The following CC2D2B variants were observed in gnomAD, a reference collection of about 807,000 sequenced individuals.
CC2D2B encodes coiled-coil and C2 domain containing 2B, also known as protein CC2D2B.
A neutral mutation model predicts 161.2 loss-of-function variants in CC2D2B; 128 were observed. The observed-to-expected ratio is 0.79, with a 90% CI of 0.69 to 0.92. The LOEUF is 0.92. Ranked by LOEUF, CC2D2B falls within the 40% of genes least tolerant of loss-of-function variation. The pLI is 0.00. For missense variants in CC2D2B, 1,173 were observed against 1,375.1 expected (o/e 0.85, Z 2.32); for synonymous variants, 391 against 449.8 (o/e 0.87, Z 1.65).
At chr10:96,023,043 G>C (rs191732815) in intron 32 of CC2D2B, among the ~76,000 whole-genome samples, 1 of 152,330 alleles carries the variant, frequency 6.6e-6, no homozygotes, top group Admixed American at 6.5e-5. Context: ...TGAAAGGCCA[G>C]GCTGGCCAAT....
chr10:95,997,521 G>A (rs113970023), intron 24 of CC2D2B, among the ~76,000 whole-genome samples: 187 of 152,172 alleles, frequency 1.2e-3, no homozygotes, highest in African/African-American at 4.0e-3. Context: ...CCAAGTAGCC[G>A]AGACTACAGG....
At chr10:95,993,770 GTA>G (rs573061397) in intron 22 of CC2D2B, among the ~76,000 whole-genome samples, 1 of 143,608 alleles carries the variant, frequency 7.0e-6, no homozygotes, top group Admixed American at 7.1e-5. Context: ...GAAAGAGTGT[GTA>G]TATATATAGA....
rs2079093648 is a variant in CC2D2B, at chr10:96,013,977, GA to G, written c.3516+103del. On this transcript the variant is annotated intron_variant, in intron 29 of 34. Coordinates refer to ENST00000646931, the MANE Select transcript of CC2D2B (RefSeq NM_001349008.3). ...GTATTTATGTATTACTTTGCCTTGT[GA>G]AATTTAAAAGTATTTGATAATTTTA... is the stretch of plus-strand genomic sequence containing the variant. 2.7e-5 allele frequency: 13 copies of G among 472,762 alleles called. No individual in the cohort carries two copies. The South Asian group carries it at 8.6e-4, about 31-fold the overall frequency. The allele number at this position is 472,762 out of a possible 1,614,324, so 29.3% of individuals were successfully genotyped here.
At chr10:95,992,756 T>G (rs1191643113) in intron 22 of CC2D2B, 59 bp downstream of exon 22, 1 of 1,065,214 alleles carries the variant, frequency 9.4e-7, no homozygotes, top group African/African-American at 1.6e-5. Flanking sequence ...ATGTGAGAAT[T>G]CTCCATGCTG....
At position 96,012,184 on chromosome 10, in the gene CC2D2B, G is replaced by A. The variant is rs1303797862; in HGVS notation, c.3046-1G>A. On this transcript the variant is annotated splice_acceptor_variant, in intron 26 of 34. Coordinates refer to ENST00000646931, the MANE Select transcript of CC2D2B (RefSeq NM_001349008.3). LOFTEE classifies it high-confidence loss of function. Reference sequence around the variant, plus strand: ...TCCATTATACTGATATACTCTTTCAGATTAGTGGAACATTTCAAGTAACTA... The same window carrying A: ...TCCATTATACTGATATACTCTTTCAAATTAGTGGAACATTTCAAGTAACTA... The A allele has an allele frequency of 1.5e-6, 1 of 678,400 alleles. No individual in the cohort carries two copies. The highest frequency in any genetic ancestry group is 2.7e-6 in the Non-Finnish European group (1 of 370,520). The allele number at this position is 678,400 out of a possible 1,614,324, so 42.0% of individuals were successfully genotyped here.
intron 30 of CC2D2B, among the ~76,000 whole-genome samples, chr10:96,017,568 T>C (rs1367148069): frequency 6.6e-6 from 1 of 152,052 alleles, no homozygotes; most frequent in African/African-American, 2.4e-5. Context: ...GGCTGTGAAG[T>C]CGAGGAGAGC....
rs2077157914 is a variant in CC2D2B, at chr10:95,972,135, C to T, written c.1714C>T (p.Leu572=). 1 of 1,231,538 alleles carries T rather than the reference C, an allele frequency of 8.1e-7. No homozygotes were observed. Among genetic ancestry groups the T allele is most frequent in the Non-Finnish European group, 1.0e-6 (1 of 987,590 alleles). 76.3% of individuals were successfully genotyped at this position (1,231,538 alleles called of 1,614,324 possible). Residue 572 remains leucine (L), a synonymous_variant, in exon 16 of 35, where the codon CTG becomes TTG. Transcript: ENST00000646931. ...LYIPLPNYTE[L]KGKTALQYVE... ...TATACCTTTACCTAACTACACAGAG[C>T]TGAAAGGCAAAACCGCTTTGCAATA...
Position 96,032,769 on chromosome 10 carries a change from A to G in CC2D2B, c.*761A>G. 2.1e-6 allele frequency: 1 copy of G among 469,520 alleles called. No individual in the cohort carries two copies. The highest frequency in any genetic ancestry group is 1.6e-5 in the South Asian group (1 of 64,192). 29.1% of individuals were successfully genotyped at this position (469,520 alleles called of 1,614,324 possible). On this transcript the variant is annotated 3_prime_UTR_variant, in exon 35 of 35. Coordinates refer to ENST00000646931, the MANE Select transcript of CC2D2B (RefSeq NM_001349008.3). The stretch of plus-strand genomic sequence containing the variant: ...TTACAGCTCCATGTATTTGGAAGGA[A>G]CTCCCAGGAAACTCTAATTTCTCCC...
chr10:95,977,663 A>G (rs2077367674), intron 17 of CC2D2B, among the ~76,000 whole-genome samples: 1 of 152,246 alleles, frequency 6.6e-6, no homozygotes, highest in South Asian at 2.1e-4. Flanking sequence ...TTCTAGATCT[A>G]AAAGTGTCTT....
At position 95,947,113 on chromosome 10, in the gene CC2D2B, A is replaced by ATT. The variant is rs753866384; in HGVS notation, c.802-2767_802-2766dup. On this transcript the variant is annotated intron_variant, in intron 9 of 34. Transcript: ENST00000646931. ...TATATATATATATATATATATATATATTTTTTTTTTTTTTTTTGAGACAAA... is the reference window on the plus strand; with the variant it reads ...TATATATATATATATATATATATATATTTTTTTTTTTTTTTTTTTGAGACAAA... Among the ~76,000 whole-genome samples the ATT allele has an allele frequency of 7.0e-3, 340 of 48,370 alleles. 26 individuals are homozygous for ATT. The highest frequency in any genetic ancestry group is 0.014 in the East Asian group (24 of 1,684). The allele number at this position is 48,370 out of a possible 152,430, so 31.7% of individuals were successfully genotyped here.
At chr10:95,919,647 C>A (rs539951891) in intron 2 of CC2D2B, 1 of 152,210 alleles carries the variant, frequency 6.6e-6, no homozygotes, top group East Asian at 1.9e-4. Flanking sequence ...TCCTGAGAGT[C>A]TTGATGTTTA....
rs751669226 is a variant in CC2D2B, at chr10:96,024,869, A to G, written c.3905A>G (p.Tyr1302Cys). The G allele has an allele frequency of 2.0e-6, 3 of 1,524,062 alleles. No individual in the cohort carries two copies. The highest frequency in any genetic ancestry group is 2.0e-5 in the Admixed American group (1 of 50,608). 94.4% of individuals were successfully genotyped at this position (1,524,062 alleles called of 1,614,324 possible). A position where few individuals can be genotyped will look rare whatever the true frequency, so the allele number is the denominator to read the frequency against. ...CTATTTCAGCCTGAAGAAATAATTT[A>G]TTTTGAAACTGATAAAAGCATGGTA... Reference protein sequence around the residue: ...IQSIQPEEIIYFETDKSMVED... With the variant: ...IQSIQPEEIICFETDKSMVED... Residue 1302 changes from tyrosine to cysteine, a missense_variant, in exon 33 of 35, where the codon TAT becomes TGT. Around this residue, in one of 3 missense-constraint regions of CC2D2B, gnomAD observed 598 missense variants for 693.2 expected, o/e 0.86. Transcript: ENST00000646931.
chr10:95,938,356 C>T, intron 7 of CC2D2B, 167 bp downstream of exon 7: 1 of 613,230 alleles, frequency 1.6e-6, no homozygotes, highest in East Asian at 2.8e-5. Flanking sequence ...ATTAAGAGAA[C>T]TCATTCTTCA....
chr10:95,994,356 T>C (rs1239728377), intron 22 of CC2D2B, among the ~76,000 whole-genome samples: 1 of 152,136 alleles, frequency 6.6e-6, no homozygotes, highest in Non-Finnish European at 1.5e-5. Context: ...TCAAAGACTT[T>C]AAGACTTTCA....
chr10:96,019,433 C>CT, intron 31 of CC2D2B, 96 bp downstream of exon 31: 1 of 1,218,666 alleles, frequency 8.2e-7, no homozygotes, highest in Non-Finnish European at 1.1e-6. Context: ...TATAGATAGT[C>CT]TATCAGATTC....
In CC2D2B at chr10:96,019,351, GA is replaced by G. The variant is rs746351529; in HGVS notation, c.3765+22del. 119 of 1,593,474 alleles carry G rather than the reference GA, an allele frequency of 7.5e-5. No homozygotes were observed. The highest frequency in any genetic ancestry group is 7.2e-4 in the East Asian group (32 of 44,712). On this transcript the variant is annotated intron_variant, in intron 31 of 34. Coordinates refer to ENST00000646931, the MANE Select transcript of CC2D2B (RefSeq NM_001349008.3). The stretch of plus-strand genomic sequence containing the variant: ...GATGATAGAAATGTAAGTATATGGG[GA>G]AAAAAAATCTTGAGTTATCTCCTCT...
chr10:96,031,960 C>T lies in CC2D2B; in HGVS notation c.4266C>T (p.Asn1422=). Residue 1422 remains asparagine (N), a synonymous_variant, in exon 35 of 35, where the codon AAC becomes AAT. Coordinates refer to ENST00000646931, the MANE Select transcript of CC2D2B (RefSeq NM_001349008.3). The part of the protein sequence containing the change: ...LAVYIHPYPN[N]ILSVWVYLAS... ...TATACATTCACCCATACCCAAACAA[C>T]ATATTATCTGTGTGGGTCTATTTGG... 6.2e-7 allele frequency: 1 copy of T among 1,613,616 alleles called. No homozygotes were observed.
At chr10:96,026,617 A>G (rs1411530747) in intron 33 of CC2D2B, among the ~76,000 whole-genome samples, 1 of 152,114 alleles carries the variant, frequency 6.6e-6, no homozygotes. Flanking sequence ...GTCAAATCAC[A>G]CCCAGTAGGC....
intron 33 of CC2D2B, among the ~76,000 whole-genome samples, chr10:96,025,174 T>TAAAAA (rs1564683948): frequency 7.3e-4 from 11 of 15,080 alleles, no homozygotes; most frequent in African/African-American, 2.2e-3. Flanking sequence ...TATATATATA[T>TAAAAA]ATATATATAT....
Sources: allele counts gnomAD v4.1 joint callset (sites outside exome capture counted in the v4.1 genomes callset), GRCh38; gene constraint gnomAD v4.1.1; regional missense constraint gnomAD v4.1.1; transcripts MANE v1.5; gene names NCBI Gene and HGNC (gene_info 2026-07-23, HGNC 2026-07-21).